Variants in ZNF385D observed in about 807,000 individuals in gnomAD.
The protein encoded by ZNF385D is zinc finger protein 659.
A neutral mutation model predicts 35.8 loss-of-function variants in ZNF385D; 15 were observed. The ratio of observed to expected loss-of-function variants is 0.42; its 90% CI spans 0.28 to 0.64. The LOEUF is 0.64. Ranked by LOEUF, ZNF385D falls within the 30% of genes least tolerant of loss-of-function variation. ZNF385D has a pLI of 0.23. For synonymous variants in ZNF385D, 212 were observed against 186.8 expected (o/e 1.13, Z -1.10); for missense variants, 474 against 494.6 (o/e 0.96, Z 0.39).
intron 2 of ZNF385D, among the ~76,000 whole-genome samples, chr3:22,235,914 T>G (rs565856163): frequency 1.3e-5 from 2 of 152,262 alleles, no homozygotes; most frequent in East Asian, 1.9e-4. Context: ...TATTTATTTT[T>G]GAATTAAAAT....
intron 2 of ZNF385D, among the ~76,000 whole-genome samples, chr3:22,210,595 G>A (rs1697455891): frequency 6.6e-6 from 1 of 151,810 alleles, no homozygotes; most frequent in African/African-American, 2.4e-5. Context: ...GACTAAAAAT[G>A]GATATAGATA....
chr3:21,520,308 A>G lies in ZNF385D; in HGVS notation c.277-9285T>C, dbSNP rs1707829482. Among the ~76,000 whole-genome samples, 3 of 152,192 alleles carry G rather than the reference A, an allele frequency of 2.0e-5. No individual in the cohort carries two copies. The South Asian group carries it at 6.2e-4, about 32-fold the overall frequency. On this transcript the variant is annotated intron_variant, in intron 3 of 7. Transcript: ENST00000281523. ...ACAGAGAGTGGATCTCATAACAGAG[A>G]GAGGAAGACCTGATATTACTCATCA...
At position 21,732,058 on chromosome 3, in the gene ZNF385D, T is replaced by G. The variant is rs1261722887; in HGVS notation, c.22+18837A>C. ...TTTTTTTTTTTTTTTTTTTTTTTTTTTTTTTTTTTTTGAGAACGGAGTTTT... is the reference window on the plus strand; with the variant it reads ...TTTTTTTTTTTTTTTTTTTTTTTTTGTTTTTTTTTTTGAGAACGGAGTTTT... On this transcript the variant is annotated intron_variant, in intron 1 of 7. Coordinates refer to ENST00000281523, the MANE Select transcript of ZNF385D (RefSeq NM_024697.3). Among the ~76,000 whole-genome samples, 10 of 88,394 alleles carry G rather than the reference T, an allele frequency of 1.1e-4. 2 individuals are homozygous for G. Among genetic ancestry groups the G allele is most frequent in the African/African-American group, 4.5e-4 (10 of 22,148 alleles). The allele number at this position is 88,394 out of a possible 152,430, so 58.0% of individuals were successfully genotyped here. A position where few individuals can be genotyped will look rare whatever the true frequency, so the allele number is the denominator to read the frequency against.
In ZNF385D at chr3:21,757,634, G is replaced by A. The variant is rs114923396; in HGVS notation, c.326-92606C>T. 1.7e-3 allele frequency among the ~76,000 whole-genome samples: 257 copies of A among 152,212 alleles called. 1 individual carries two copies. Among genetic ancestry groups the A allele is most frequent in the Non-Finnish European group, 2.3e-3 (157 of 68,008 alleles). On this transcript the variant is annotated intron_variant, in intron 3 of 5. Transcript: ENST00000494108. The stretch of plus-strand genomic sequence containing the variant: ...CCAAGTACTGTCCTAGGCGCTAAAG[G>A]TATATTAATGAAATTACAGACACCT...
chr3:21,455,334 T>A (rs562824676), intron 4 of ZNF385D, among the ~76,000 whole-genome samples: 4 of 152,268 alleles, frequency 2.6e-5, no homozygotes, highest in African/African-American at 9.6e-5. Context: ...GACTTCAAAC[T>A]ATACTACAAG....
chr3:22,044,135 G>A (rs974381019), intron 3 of ZNF385D, among the ~76,000 whole-genome samples: 1 of 150,838 alleles, frequency 6.6e-6, no homozygotes, highest in Non-Finnish European at 1.5e-5. Flanking sequence ...GATTTGGTGG[G>A]TATGCTGTGA....
At chr3:22,330,763 A>T (rs1694895106) in intron 2 of ZNF385D, among the ~76,000 whole-genome samples, 1 of 152,192 alleles carries the variant, frequency 6.6e-6, no homozygotes, top group African/African-American at 2.4e-5. Flanking sequence ...TGTTGAATGA[A>T]TTATTGAATA....
intron 3 of ZNF385D, chr3:21,849,694 G>A (rs1328739540): frequency 7.4e-6 from 1 of 134,648 alleles, no homozygotes; most frequent in Non-Finnish European, 1.5e-5. Context: ...TAATGCAGAT[G>A]TCCTCAAAAT....
intron 1 of ZNF385D, among the ~76,000 whole-genome samples, chr3:21,747,674 G>A (rs1000972984): frequency 2.0e-5 from 3 of 152,142 alleles, no homozygotes; most frequent in Non-Finnish European, 2.9e-5. Context: ...TCTGCCAGGC[G>A]CTGAGCAATT....
At chr3:21,989,701 C>T (rs1695041897) in intron 3 of ZNF385D, among the ~76,000 whole-genome samples, 1 of 152,176 alleles carries the variant, frequency 6.6e-6, no homozygotes, top group South Asian at 2.1e-4. Context: ...GACAGCCAAA[C>T]CATCCAGTCT....
At chr3:22,166,509 T>C (rs1706338671) in intron 3 of ZNF385D, among the ~76,000 whole-genome samples, 1 of 152,170 alleles carries the variant, frequency 6.6e-6, no homozygotes, top group Non-Finnish European at 1.5e-5. Context: ...TGTGTGACCT[T>C]CAGCATAGTA....
chr3:22,086,815 G>C (rs1701070168), intron 3 of ZNF385D, among the ~76,000 whole-genome samples: 1 of 152,044 alleles, frequency 6.6e-6, no homozygotes, highest in South Asian at 2.1e-4. Flanking sequence ...CCATCATTCT[G>C]AGCAAACTAT....
intron 2 of ZNF385D, among the ~76,000 whole-genome samples, chr3:21,584,099 T>C (rs2063745205): frequency 6.6e-6 from 1 of 151,752 alleles, no homozygotes; most frequent in Admixed American, 6.6e-5. Flanking sequence ...TCAGCCTCCC[T>C]AGTAGCTGGG....
At chr3:22,029,121 A>G (rs932114274) in intron 3 of ZNF385D, among the ~76,000 whole-genome samples, 7 of 152,140 alleles carry the variant, frequency 4.6e-5, no homozygotes, top group Admixed American at 2.0e-4. Context: ...CCACCAGGAG[A>G]CACAACAATT....
intron 2 of ZNF385D, among the ~76,000 whole-genome samples, chr3:22,354,946 G>C (rs1244243514): frequency 6.6e-6 from 1 of 151,984 alleles, no homozygotes; most frequent in African/African-American, 2.4e-5. Flanking sequence ...CACAGATATA[G>C]GAAGAACATC....
chr3:21,725,208 T>C (rs1029270280), intron 1 of ZNF385D, among the ~76,000 whole-genome samples: 1 of 152,096 alleles, frequency 6.6e-6, no homozygotes, highest in South Asian at 2.1e-4. Context: ...TTTATAGCAC[T>C]AGAAGCCCAC....
intron 3 of ZNF385D, among the ~76,000 whole-genome samples, chr3:21,811,039 A>G (rs2072900274): frequency 6.6e-6 from 1 of 151,110 alleles, no homozygotes; most frequent in Non-Finnish European, 1.5e-5. Flanking sequence ...AATGTAATTA[A>G]TGTCTTTAGC....
chr3:21,931,085 A>G (rs1700982903), intron 3 of ZNF385D, among the ~76,000 whole-genome samples: 1 of 152,212 alleles, frequency 6.6e-6, no homozygotes, highest in African/African-American at 2.4e-5. Flanking sequence ...CCCAGAATAT[A>G]TAAAGAAATT....
chr3:22,130,247 C>G (rs746336212), intron 3 of ZNF385D, among the ~76,000 whole-genome samples: 10 of 152,164 alleles, frequency 6.6e-5, no homozygotes, highest in Non-Finnish European at 1.3e-4. Context: ...GCAAGCTGCA[C>G]TGCCTAAAGT....
Sources: allele counts gnomAD v4.1 joint callset (sites outside exome capture counted in the v4.1 genomes callset), GRCh38; gene constraint gnomAD v4.1.1; transcripts MANE v1.5; gene names NCBI Gene and HGNC (gene_info 2026-07-23, HGNC 2026-07-21).